Variants in SUPT3H observed in about 807,000 individuals in gnomAD.
SUPT3H encodes transcription initiation protein SPT3 homolog.
SUPT3H carries 44 observed loss-of-function variants against 44.3 expected under a neutral mutation model. That is an observed-to-expected ratio of 0.99 (90% CI 0.78 to 1.28). SUPT3H has a LOEUF of 1.28. Ranked by LOEUF, SUPT3H falls within the 50% of genes most tolerant of loss-of-function variation. The pLI is 0.00. For synonymous variants in SUPT3H, 124 were observed against 125.6 expected (o/e 0.99, Z 0.09); for missense variants, 380 against 387.1 (o/e 0.98, Z 0.15).
intron 3 of SUPT3H, among the ~76,000 whole-genome samples, chr6:45,094,931 A>G (rs997272485): frequency 2.0e-5 from 3 of 152,106 alleles, no homozygotes; most frequent in African/African-American, 7.2e-5. Context: ...CTCTGTACGC[A>G]TATGTGACCA....
intron 7 of SUPT3H, among the ~76,000 whole-genome samples, chr6:44,958,593 C>T (rs1276044595): frequency 1.3e-5 from 2 of 152,108 alleles, no homozygotes; most frequent in Non-Finnish European, 2.9e-5. Flanking sequence ...GGGGACCTGG[C>T]GTCAATGTCT....
At chr6:45,300,088 T>A (rs575332552) in intron 2 of SUPT3H, among the ~76,000 whole-genome samples, 2 of 152,320 alleles carry the variant, frequency 1.3e-5, no homozygotes, top group East Asian at 3.9e-4. Context: ...TGAAACTATG[T>A]CAAGAATAAC....
chr6:45,030,441 CCTTA>C (rs897985389), intron 3 of SUPT3H, among the ~76,000 whole-genome samples: 3 of 152,106 alleles, frequency 2.0e-5, no homozygotes, highest in Non-Finnish European at 4.4e-5. Context: ...GGGTTGTAGC[CCTTA>C]CTTGTTTCTT....
intron 10 of SUPT3H, chr6:44,898,823 T>C (rs938330111): frequency 2.6e-5 from 4 of 152,406 alleles, no homozygotes; most frequent in African/African-American, 9.6e-5. Context: ...GTATTCTTCC[T>C]ATGCTGCCTG....
intron 3 of SUPT3H, among the ~76,000 whole-genome samples, chr6:45,088,133 G>T (rs887647230): frequency 5.9e-5 from 9 of 151,888 alleles, no homozygotes; most frequent in Non-Finnish European, 1.5e-5. Context: ...TTCTTCTCAG[G>T]GACATAAAAT....
intron 10 of SUPT3H, among the ~76,000 whole-genome samples, chr6:44,868,178 G>GT (rs1775799669): frequency 6.6e-6 from 1 of 152,126 alleles, no homozygotes. Context: ...ACTCACAAAC[G>GT]TGGTTCTGTG....
intron 3 of SUPT3H, among the ~76,000 whole-genome samples, chr6:45,079,708 C>A (rs1795528481): frequency 6.6e-6 from 1 of 152,096 alleles, no homozygotes; most frequent in Non-Finnish European, 1.5e-5. Flanking sequence ...AAAGGACAGT[C>A]TCTTCAATAA....
chr6:45,040,920 C>A (rs1788432181), intron 3 of SUPT3H, among the ~76,000 whole-genome samples: 2 of 152,160 alleles, frequency 1.3e-5, no homozygotes, highest in African/African-American at 4.8e-5. Context: ...TCTCAATGAG[C>A]AATTTATTTT....
chr6:45,070,111 A>G (rs1794142271), intron 3 of SUPT3H, among the ~76,000 whole-genome samples: 1 of 152,170 alleles, frequency 6.6e-6, no homozygotes. Context: ...TAAAGCATAG[A>G]AGAAAATCTG....
At chr6:45,296,202 A>G (rs1268637388) in intron 2 of SUPT3H, among the ~76,000 whole-genome samples, 1 of 151,838 alleles carries the variant, frequency 6.6e-6, no homozygotes, top group East Asian at 1.9e-4. Flanking sequence ...ACACACACAC[A>G]CACACACACA....
intron 6 of SUPT3H, among the ~76,000 whole-genome samples, chr6:44,981,157 C>G (rs1779042438): frequency 6.6e-6 from 1 of 152,162 alleles, no homozygotes; most frequent in South Asian, 2.1e-4. Flanking sequence ...TCTCAAACTT[C>G]ATCTTAGGGA....
intron 6 of SUPT3H, among the ~76,000 whole-genome samples, chr6:44,990,923 A>G (rs1408226424): frequency 1.3e-5 from 2 of 151,880 alleles, no homozygotes; most frequent in Non-Finnish European, 2.9e-5. Flanking sequence ...TATGTAATAC[A>G]AGTATTCTTG....
At chr6:45,079,389 A>AAGAAGGAAGAAGTGGGGAGG (rs1795463139) in intron 3 of SUPT3H, among the ~76,000 whole-genome samples, 1 of 151,204 alleles carries the variant, frequency 6.6e-6, no homozygotes, top group Non-Finnish European at 1.5e-5. Context: ...GGAGAAGTGG[A>AAGAAGGAAGAAGTGGGGAGG]AGAAGGAAGA....
chr6:45,001,834 GA>G (rs1315517833), intron 6 of SUPT3H, among the ~76,000 whole-genome samples: 3 of 152,166 alleles, frequency 2.0e-5, no homozygotes, highest in African/African-American at 4.8e-5. Flanking sequence ...GGTTTCATAT[GA>G]ACTGCCACAG....
At chr6:45,221,385 T>G (rs1457256832) in intron 2 of SUPT3H, among the ~76,000 whole-genome samples, 1 of 152,010 alleles carries the variant, frequency 6.6e-6, no homozygotes, top group African/African-American at 2.4e-5. Flanking sequence ...AATATAATAA[T>G]AAGAGTGAAA....
chr6:45,026,865 G>A (rs1182479641), intron 3 of SUPT3H, among the ~76,000 whole-genome samples: 1 of 151,086 alleles, frequency 6.6e-6, no homozygotes, highest in South Asian at 2.1e-4. Flanking sequence ...CAGTGTTTAT[G>A]TTATACCAAA....
intron 1 of SUPT3H, chr6:45,377,548 G>C (rs1429452639): frequency 6.6e-6 from 1 of 152,096 alleles, no homozygotes; most frequent in South Asian, 2.1e-4. Context: ...GCTCGGCAGC[G>C]GAACCAGGGC....
chr6:44,965,621 A>G (rs1390155689), intron 6 of SUPT3H, among the ~76,000 whole-genome samples: 2 of 152,036 alleles, frequency 1.3e-5, no homozygotes, highest in Non-Finnish European at 2.9e-5. Flanking sequence ...AATTTTGGCC[A>G]ATGATGAAGA....
At chr6:45,269,536 T>A (rs918846405) in intron 2 of SUPT3H, among the ~76,000 whole-genome samples, 2 of 152,118 alleles carry the variant, frequency 1.3e-5, no homozygotes, top group African/African-American at 4.8e-5. Context: ...CATTTGTAAA[T>A]CTCTCAAAGT....
Sources: gnomAD v4.1 joint callset for allele counts (sites outside exome capture counted in the v4.1 genomes callset) on GRCh38, gnomAD v4.1.1 for gene constraint, MANE v1.5 for transcripts, NCBI Gene and HGNC (gene_info 2026-07-23, HGNC 2026-07-21) for gene names.